LCOR: variants seen among roughly 807,000 people sequenced by gnomAD.
LCOR encodes the protein ligand dependent nuclear receptor corepressor.
In LCOR, 14 loss-of-function variants were observed where a neutral mutation model predicts 64.4. That is an observed-to-expected ratio of 0.22 (90% confidence interval 0.14 to 0.34). LCOR has a LOEUF of 0.34. LCOR is among the 10% of genes least tolerant of loss of function. LCOR has a pLI of 1.00. For synonymous variants in LCOR, 643 were observed against 642.5 expected, an observed-to-expected ratio of 1.00 and a Z score of -0.01; for missense variants, 1,686 against 1,765.3, an observed-to-expected ratio of 0.96 and a Z score of 0.80.
At chr10:96,921,275 T>C (rs144761678) in intron 4 of LCOR, among the ~76,000 whole-genome samples, 15 of 152,338 alleles carry the variant, frequency 9.8e-5, no homozygotes, top group African/African-American at 3.4e-4. Flanking sequence ...TTTTTACTTT[T>C]GTTGTCTGTT....
chr10:96,903,340 C>T (rs565623812), intron 2 of LCOR, among the ~76,000 whole-genome samples: 4 of 152,212 alleles, frequency 2.6e-5, no homozygotes, highest in East Asian at 3.9e-4. Context: ...TTTTTCAGCT[C>T]CGTTATAATT....
intron 2 of LCOR, among the ~76,000 whole-genome samples, chr10:96,847,338 T>A (rs1255667142): frequency 6.7e-6 from 1 of 149,888 alleles, no homozygotes; most frequent in East Asian, 1.9e-4. Context: ...TATGTGTGAC[T>A]TAATTTTTCA....
At chr10:96,926,837 GTTTTAT>G (rs1847177418) in intron 4 of LCOR, among the ~76,000 whole-genome samples, 2 of 151,864 alleles carry the variant, frequency 1.3e-5, no homozygotes, top group African/African-American at 4.8e-5. Flanking sequence ...AATTTTTTGG[GTTTTAT>G]TTTTGTTTTT....
At chr10:96,837,173 G>A (rs886894943) in intron 2 of LCOR, among the ~76,000 whole-genome samples, 43 of 152,038 alleles carry the variant, frequency 2.8e-4, no homozygotes, top group African/African-American at 1.0e-3. Flanking sequence ...TGTCTTTTTA[G>A]TAGAGACGGG....
intron 2 of LCOR, among the ~76,000 whole-genome samples, chr10:96,877,380 C>T (rs1246469262): frequency 6.6e-6 from 1 of 151,896 alleles, no homozygotes; most frequent in Non-Finnish European, 1.5e-5. Context: ...CAAAAATTAG[C>T]TGAATGTGGT....
At chr10:96,836,842 G>C (rs533103176) in intron 2 of LCOR, among the ~76,000 whole-genome samples, 18 of 152,308 alleles carry the variant, frequency 1.2e-4, no homozygotes, top group African/African-American at 4.3e-4. Context: ...TGCAAAGGTA[G>C]GTTGTAGGAT....
At chr10:96,846,715 G>T (rs531616614) in intron 2 of LCOR, among the ~76,000 whole-genome samples, 5 of 152,096 alleles carry the variant, frequency 3.3e-5, no homozygotes, top group Non-Finnish European at 7.4e-5. Context: ...ATAGATTCTG[G>T]CATGTTAAAA....
Position 96,911,506 on chromosome 10 carries a change from A to G in LCOR, c.-184+3759A>G, listed in dbSNP as rs567600114. On this transcript the variant is annotated intron_variant, in intron 4 of 7. Coordinates refer to ENST00000421806, the MANE Select transcript of LCOR (RefSeq NM_001346516.2). ...GATGTTCAGTTATGGGCAAAATTAC[A>G]TAGCTGGGATTTGATCCATGTTTTT... Among the ~76,000 whole-genome samples, 5 of 152,350 alleles carry G rather than the reference A, an allele frequency of 3.3e-5. No individual in the cohort carries two copies. The South Asian group carries it at 8.3e-4, about 25-fold the overall frequency.
chr10:96,845,386 T>C (rs1237030262), intron 2 of LCOR, among the ~76,000 whole-genome samples: 2 of 151,420 alleles, frequency 1.3e-5, no homozygotes, highest in Non-Finnish European at 2.9e-5. Flanking sequence ...TGTTAGGTTA[T>C]GTGAATTTTT....
At chr10:96,861,936 C>T (rs937790662) in intron 2 of LCOR, among the ~76,000 whole-genome samples, 3 of 152,230 alleles carry the variant, frequency 2.0e-5, no homozygotes, top group Non-Finnish European at 4.4e-5. Context: ...CTCCTTCAGA[C>T]AGCAATCTTA....
intron 4 of LCOR, among the ~76,000 whole-genome samples, chr10:96,920,663 T>TATATATATTC (rs1847052687): frequency 3.0e-5 from 4 of 135,364 alleles, no homozygotes; most frequent in African/African-American, 1.3e-4. Flanking sequence ...TGTATATATG[T>TATATATATTC]ATATATGTAT....
At chr10:96,936,203 T>C (rs1201751261) in intron 4 of LCOR, among the ~76,000 whole-genome samples, 1 of 152,228 alleles carries the variant, frequency 6.6e-6, no homozygotes, top group Non-Finnish European at 1.5e-5. Flanking sequence ...CAAAGGAAAT[T>C]AGAAACTAGT....
At chr10:96,948,225 A>AT (rs899414740) in intron 5 of LCOR, among the ~76,000 whole-genome samples, 23 of 151,336 alleles carry the variant, frequency 1.5e-4, no homozygotes, top group South Asian at 8.4e-4. Flanking sequence ...TCATTATTTT[A>AT]TTTTTTTTTA....
At chr10:96,962,402 A>G (rs1409189366) in intron 7 of LCOR, 2 of 152,128 alleles carry the variant, frequency 1.3e-5, no homozygotes, top group African/African-American at 2.4e-5. Flanking sequence ...TTACTTTGTA[A>G]ATTTTTAATA....
At chr10:96,873,572 G>GTGTGTA (rs1564611256) in intron 2 of LCOR, among the ~76,000 whole-genome samples, 1 of 3,806 alleles carries the variant, frequency 2.6e-4, no homozygotes, top group Non-Finnish European at 1.3e-3. Context: ...ACACACACAC[G>GTGTGTA]TGTGTGTGTG....
At chr10:96,874,170 A>G (rs150204138) in intron 2 of LCOR, among the ~76,000 whole-genome samples, 61 of 152,380 alleles carry the variant, frequency 4.0e-4, no homozygotes, top group African/African-American at 1.4e-3. Flanking sequence ...TAGCTTTAGT[A>G]GAGATCAATA....
At chr10:96,938,035 T>C (rs1003156924) in intron 4 of LCOR, among the ~76,000 whole-genome samples, 42 of 152,336 alleles carry the variant, frequency 2.8e-4, no homozygotes, top group African/African-American at 1.0e-3. Flanking sequence ...CACTGCAGCC[T>C]TGACCTCCCA....
chr10:96,984,962 G>T lies in LCOR; in HGVS notation c.4502G>T (p.Gly1501Val), dbSNP rs1295660794. The change falls in exon 8 of 8, where the codon GGT (glycine) becomes GTT (valine). Residue 1501 changes from glycine to valine, a missense_variant. Physicochemically the swap from Gly to Val is moderately radical, Grantham distance 109 (BLOSUM62 -3). Around this residue, in one of 3 missense-constraint regions of LCOR, gnomAD observed 1,293 missense variants for 1,410.4 expected, o/e 0.92. Coordinates refer to ENST00000421806, the MANE Select transcript of LCOR (RefSeq NM_001346516.2). The part of the protein sequence containing the change: ...LTKPAKQKGA[G>V]ESSSRPQKAT... ...AAACCTGCAAAACAGAAGGGGGCCG[G>T]TGAATCCTCTTCAAGGCCTCAGAAA... 6.2e-7 allele frequency: 1 copy of T among 1,614,228 alleles called. No individual in the cohort carries two copies. Among genetic ancestry groups the T allele is most frequent in the Admixed American group, 1.7e-5 (1 of 60,028 alleles).
At chr10:96,957,374 T>C (rs1847801991) in intron 7 of LCOR, 1 of 985,002 alleles carries the variant, frequency 1.0e-6, no homozygotes, top group Non-Finnish European at 1.2e-6. Context: ...CTTTTAAAAT[T>C]ATAATAAGGG....
Sources: allele counts gnomAD v4.1 joint callset (sites outside exome capture counted in the v4.1 genomes callset), GRCh38; gene constraint gnomAD v4.1.1; regional missense constraint gnomAD v4.1.1; transcripts MANE v1.5; gene names NCBI Gene and HGNC (gene_info 2026-07-23, HGNC 2026-07-21).